The following ACSL4 variants were observed in gnomAD, a reference collection of about 807,000 sequenced individuals.
The protein encoded by ACSL4 is long-chain-fatty-acid--CoA ligase 4.
Under a neutral mutation model 49.1 loss-of-function variants are expected in ACSL4, and 9 were observed. The ratio of observed to expected loss-of-function variants is 0.18; its 90% CI spans 0.11 to 0.32. The LOEUF (loss-of-function observed/expected upper bound fraction) is 0.32. ACSL4 is among the 10% of genes least tolerant of loss of function. ACSL4 has a pLI of 1.00. For synonymous variants in ACSL4, 191 were observed against 170.3 expected (o/e 1.12, Z -0.95); for missense variants, 333 against 493.7 (o/e 0.67, Z 3.08).
intron 1 of ACSL4, among the ~76,000 whole-genome samples, chrX:109,713,542 C>T (rs1926906626): frequency 9.1e-6 from 1 of 110,051 alleles, no homozygotes; most frequent in East Asian, 2.8e-4. Context: ...GGTTGAACCA[C>T]ATAAAATTGC....
At chrX:109,713,553 C>A (rs1421581576) in intron 1 of ACSL4, among the ~76,000 whole-genome samples, 2 of 109,361 alleles carry the variant, frequency 1.8e-5, no homozygotes, top group Non-Finnish European at 3.8e-5. Context: ...ATAAAATTGC[C>A]AATAGTAAAA....
intron 1 of ACSL4, among the ~76,000 whole-genome samples, chrX:109,717,473 G>A (rs1016676332): frequency 1.8e-5 from 2 of 110,671 alleles, no homozygotes; most frequent in Middle Eastern, 4.6e-3. Flanking sequence ...TCCAGCCTGG[G>A]TGACAAGAAC....
At chrX:109,725,076 G>A (rs5943425) in intron 1 of ACSL4, among the ~76,000 whole-genome samples, 43,365 of 106,185 alleles carry the variant, frequency 0.41, 7,962 homozygotes, top group Middle Eastern at 0.61. Flanking sequence ...TTTTGTTTTT[G>A]TTTTGTTTTG....
At chrX:109,724,499 A>G (rs1025160819) in intron 1 of ACSL4, among the ~76,000 whole-genome samples, 4 of 111,297 alleles carry the variant, frequency 3.6e-5, no homozygotes, top group Non-Finnish European at 7.5e-5. Context: ...GTGGAATGCA[A>G]TGACGTGAGT....
chrX:109,695,892 G>A (rs1464266838), intron 2 of ACSL4: 2 of 112,050 alleles, frequency 1.8e-5, no homozygotes, highest in Non-Finnish European at 3.8e-5. Flanking sequence ...ATAGAAAGAC[G>A]TTGTTTGAAT....
chrX:109,667,446 AAAG>A (rs1401200414), intron 11 of ACSL4, among the ~76,000 whole-genome samples: 2 of 112,858 alleles, frequency 1.8e-5, no homozygotes, highest in East Asian at 2.7e-4. Context: ...AAGGGAAACC[AAAG>A]AAGAAGTTAG....
At chrX:109,660,088 C>A (rs1196265686) in intron 14 of ACSL4, among the ~76,000 whole-genome samples, 1 of 109,539 alleles carries the variant, frequency 9.1e-6, no homozygotes, top group African/African-American at 3.3e-5. Flanking sequence ...AAACAGATAA[C>A]TGGGACTACA....
intron 15 of ACSL4, among the ~76,000 whole-genome samples, chrX:109,648,070 T>C (rs1270714258): frequency 1.8e-5 from 2 of 111,786 alleles, no homozygotes; most frequent in Admixed American, 1.9e-4. Context: ...ACCAGATGGA[T>C]TCACAGCCAA....
intron 1 of ACSL4, among the ~76,000 whole-genome samples, chrX:109,719,303 T>C (rs1349919109): frequency 2.7e-5 from 3 of 111,109 alleles, no homozygotes; most frequent in Non-Finnish European, 5.7e-5. Flanking sequence ...GTTAGGGAAC[T>C]ATCCCACCAC....
In ACSL4 at chrX:109,650,272, C is replaced by T. The variant is rs763851241; in HGVS notation, c.1856-6086G>A. On this transcript the variant is annotated intron_variant, in intron 15 of 15. Coordinates refer to ENST00000672401, the MANE Select transcript of ACSL4 (RefSeq NM_001318510.2). ...ATTCACAATAGCAAAGACTTGGAAC[C>T]AACCCAAATGTCCAACAATGATAGA... is the stretch of plus-strand genomic sequence containing the variant. 1.1e-4 allele frequency among the ~76,000 whole-genome samples: 12 copies of T among 110,472 alleles called. No homozygotes were observed. The South Asian group carries it at 3.6e-3, about 33-fold the overall frequency.
In ACSL4 at chrX:109,669,106, G is replaced by A. The variant is rs754071672; in HGVS notation, c.1070C>T (p.Thr357Ile). Reference protein sequence around the residue: ...KVQEMNYIQKTLFKIGYDYKL... With the variant: ...KVQEMNYIQKILFKIGYDYKL... ...GTAATCATACCCTATCTTGAACAGAGTTTTCTGAATATAATTCATCTCTTG... is the reference window on the plus strand; with the variant it reads ...GTAATCATACCCTATCTTGAACAGAATTTTCTGAATATAATTCATCTCTTG... Residue 357 changes from threonine to isoleucine, a missense_variant, in exon 10 of 16, where the codon ACT becomes ATT. Around this residue, in one of 3 missense-constraint regions of ACSL4, gnomAD observed 175 missense variants for 275.8 expected, o/e 0.63. Coordinates refer to ENST00000672401, the MANE Select transcript of ACSL4 (RefSeq NM_001318510.2). 4 of 1,178,151 alleles carry A rather than the reference G, an allele frequency of 3.4e-6. No individual in the cohort carries two copies. Among genetic ancestry groups the A allele is most frequent in the South Asian group, 1.8e-5 (1 of 55,861 alleles).
intron 1 of ACSL4, among the ~76,000 whole-genome samples, chrX:109,701,548 CT>C (rs751217404): frequency 2.0e-3 from 168 of 82,470 alleles, no homozygotes; most frequent in Admixed American, 2.8e-3. Flanking sequence ...TCTTCTTTTT[CT>C]TTTTTTTTTT....
At chrX:109,702,008 G>C (rs766020901) in intron 1 of ACSL4, among the ~76,000 whole-genome samples, 109 of 103,675 alleles carry the variant, frequency 1.1e-3, no homozygotes, top group Non-Finnish European at 9.9e-4. Flanking sequence ...TCAGGAGTTC[G>C]AGACCAGCCT....
Position 109,683,235 on chromosome X carries a change from G to A in ACSL4, c.129C>T (p.Asp43=). ...PGADTLDKLF[D]HAVSKFGKKD... ...TCTTCCCAAACTTGGATACAGCATG[G>A]TCAAATAATTTATCCAGAGTATCTG... The change falls in exon 3 of 16, where the codon GAC becomes GAT. Residue 43 remains aspartate (D), a synonymous_variant. Transcript: ENST00000672401. 8.3e-7 allele frequency: 1 copy of A among 1,211,707 alleles called. No homozygotes were observed. Among genetic ancestry groups the A allele is most frequent in the African/African-American group, 1.7e-5 (1 of 57,852 alleles).
intron 15 of ACSL4, among the ~76,000 whole-genome samples, chrX:109,647,871 T>C (rs1305660206): frequency 9.0e-6 from 1 of 111,036 alleles, no homozygotes; most frequent in East Asian, 2.8e-4. Flanking sequence ...AAATACAAAC[T>C]ACCATCAGAG....
chrX:109,681,172 C>T, intron 5 of ACSL4, 36 bp from the exon 6 acceptor site: 1 of 1,208,318 alleles, frequency 8.3e-7, no homozygotes, highest in Non-Finnish European at 1.1e-6. Flanking sequence ...AGCTATTAAA[C>T]TTAAGCCTGC....
intron 2 of ACSL4, among the ~76,000 whole-genome samples, chrX:109,684,108 G>A (rs1033058257): frequency 2.7e-5 from 3 of 110,634 alleles, no homozygotes; most frequent in Non-Finnish European, 5.7e-5. Context: ...TATATCCAAA[G>A]GGGGGGGTGG....
At chrX:109,644,387 T>A (rs1234867433) in intron 15 of ACSL4, among the ~76,000 whole-genome samples, 8 of 111,032 alleles carry the variant, frequency 7.2e-5, no homozygotes, top group African/African-American at 1.6e-4. Flanking sequence ...TAATGCTACC[T>A]CTACCTTACA....
intron 9 of ACSL4, among the ~76,000 whole-genome samples, chrX:109,671,965 G>C (rs960335078): frequency 9.3e-6 from 1 of 107,477 alleles, no homozygotes; most frequent in Non-Finnish European, 1.9e-5. Context: ...CTCTGCCTAG[G>C]AAAACCAGAG....
Sources: gnomAD v4.1 joint callset for allele counts (sites outside exome capture counted in the v4.1 genomes callset) on GRCh38, gnomAD v4.1.1 for gene constraint, gnomAD v4.1.1 regional missense constraint, MANE v1.5 for transcripts, NCBI Gene and HGNC (gene_info 2026-07-23, HGNC 2026-07-21) for gene names.